Variants in GP9 observed in about 807,000 individuals in gnomAD.
GP9 encodes the protein glycoprotein IX platelet.
For synonymous variants in GP9, 116 were observed against 116.7 expected (o/e 0.99, Z 0.04); for missense variants, 228 against 241.8 (o/e 0.94, Z 0.38).
At chr3:129,055,011 T>G in the GP9 span, among the ~76,000 whole-genome samples, 2 of 152,276 alleles carry the variant, frequency 1.3e-5, no homozygotes, top group African/African-American at 4.8e-5. Flanking sequence ...CCTTAGGTTC[T>G]GTTTATAATT....
intron 1 of GP9, 108 bp from the exon 2 acceptor site, chr3:129,061,386 T>C (rs1389643873): frequency 5.0e-6 from 2 of 403,492 alleles, no homozygotes; most frequent in Non-Finnish European, 9.4e-6. Flanking sequence ...GGGCTGGGAC[T>C]CATTTAGCAG....
upstream of GP9, among the ~76,000 whole-genome samples, chr3:129,057,859 G>A (rs1477132151): frequency 6.9e-6 from 1 of 144,532 alleles, no homozygotes; most frequent in Non-Finnish European, 1.5e-5. Context: ...TTGAGACGGA[G>A]TTTTGCTCTT....
upstream of GP9, among the ~76,000 whole-genome samples, chr3:129,057,830 C>CCTT: frequency 8.1e-6 from 1 of 123,924 alleles, no homozygotes. Flanking sequence ...TAGGTTGCTT[C>CCTT]TTTTTTTTTT....
Position 129,062,083 on chromosome 3 carries a change from G to A in GP9, c.344G>A (p.Ser115Asn), listed in dbSNP as rs1183020259. 1 of 1,609,152 alleles carries A rather than the reference G, an allele frequency of 6.2e-7. No homozygotes were observed. The highest frequency in any genetic ancestry group is 1.7e-5 in the Admixed American group (1 of 59,728). ...GCCCTGCTGCAGGTCCGCTGTGCCA[G>A]CCCCAGCCTCGCTGCCCATGGCCCG... ...PEALLQVRCA[S>N]PSLAAHGPLG... Residue 115 changes from serine to asparagine, a missense_variant, in exon 3 of 3, where the codon AGC (serine) becomes AAC (asparagine). Physicochemically the swap from Ser to Asn is conservative, Grantham distance 46. Transcript: ENST00000307395.
At chr3:129,061,164 G>T (rs537109844) in intron 1 of GP9, among the ~76,000 whole-genome samples, 3 of 152,158 alleles carry the variant, frequency 2.0e-5, no homozygotes, top group African/African-American at 7.2e-5. Flanking sequence ...CCCTCTCTGG[G>T]CCTCAGTTTC....
Position 129,061,510 on chromosome 3 carries a change from G to A in GP9, c.-122G>A, listed in dbSNP as rs753048326. 1.7e-5 allele frequency: 10 copies of A among 602,138 alleles called. No individual in the cohort carries two copies. Among genetic ancestry groups the A allele is most frequent in the Non-Finnish European group, 3.0e-6 (1 of 337,360 alleles). The allele number at this position is 602,138 out of a possible 1,614,324, so 37.3% of individuals were successfully genotyped here. A position where few individuals can be genotyped will look rare whatever the true frequency, so the allele number is the denominator to read the frequency against. ...AATCCACAGCCGCCCTCACCGCCCGGCCTTCTACGGTGTCCAGAGACAGTT... is the reference window on the plus strand; with the variant it reads ...AATCCACAGCCGCCCTCACCGCCCGACCTTCTACGGTGTCCAGAGACAGTT... On this transcript the variant is annotated 5_prime_UTR_variant, in exon 2 of 3. Transcript: ENST00000307395.
rs755563532 is a variant in GP9, at chr3:129,062,054, C to T, written c.315C>T (p.Pro105=). The T allele has an allele frequency of 5.6e-6, 9 of 1,612,468 alleles. No homozygotes were observed. Among genetic ancestry groups the T allele is most frequent in the South Asian group, 5.5e-5 (5 of 91,066 alleles). The change falls in exon 3 of 3, where the codon CCC becomes CCT. Residue 105 remains proline (P), a synonymous_variant. Coordinates refer to ENST00000307395, the MANE Select transcript of GP9 (RefSeq NM_000174.5). ...YLRLWLEDRT[P]EALLQVRCAS... is the part of the protein sequence containing the mutation. Reference sequence around the variant, plus strand: ...GCCTCTGGCTGGAGGACCGCACGCCCGAGGCCCTGCTGCAGGTCCGCTGTG... The same window carrying T: ...GCCTCTGGCTGGAGGACCGCACGCCTGAGGCCCTGCTGCAGGTCCGCTGTG...
chr3:129,056,832 T>C (rs901274633), upstream of GP9, among the ~76,000 whole-genome samples: 2 of 152,078 alleles, frequency 1.3e-5, no homozygotes, highest in African/African-American at 4.8e-5. Context: ...GAAGTTGGCA[T>C]GTGGGTGGGG....
At chr3:129,060,384 C>T (rs2107955057), upstream of GP9, among the ~76,000 whole-genome samples, 1 of 152,374 alleles carries the variant, frequency 6.6e-6, no homozygotes, top group East Asian at 1.9e-4. Flanking sequence ...CCATGGTGTT[C>T]TCAGCCAGTG....
upstream of GP9, among the ~76,000 whole-genome samples, chr3:129,060,146 T>C (rs1946559234): frequency 6.6e-6 from 1 of 152,210 alleles, no homozygotes; most frequent in South Asian, 2.1e-4. Flanking sequence ...CTAAGTAGAA[T>C]GTGCTCTAGA....
rs2107957165 is a variant in GP9, at chr3:129,062,264, C to T, written c.525C>T (p.Ala175=). 1 of 1,549,816 alleles carries T rather than the reference C, an allele frequency of 6.5e-7. No individual in the cohort carries two copies. The highest frequency in any genetic ancestry group is 8.7e-7 in the Non-Finnish European group (1 of 1,147,762). Residue 175 remains alanine (A), a synonymous_variant, in exon 3 of 3, where the codon GCC becomes GCT. Transcript: ENST00000307395. ...GCCTGCTGTGTGCCACCACAGAGGC[C>T]CTGGATTGAGCCAGGCCCCCAGAAC... ...LAGLLCATTE[A]LD
Position 129,062,052 on chromosome 3 carries a change from C to T in GP9, c.313C>T (p.Pro105Ser), listed in dbSNP as rs1216374588. 1.2e-6 allele frequency: 2 copies of T among 1,612,800 alleles called. No individual in the cohort carries two copies. Among genetic ancestry groups the T allele is most frequent in the Admixed American group, 1.7e-5 (1 of 60,000 alleles). The change falls in exon 3 of 3, where the codon CCC becomes TCC. Residue 105 changes from proline (P) to serine (S), a missense_variant. By Grantham distance (74) the Pro-to-Ser change is moderately conservative. Coordinates refer to ENST00000307395, the MANE Select transcript of GP9 (RefSeq NM_000174.5). ...GCGCCTCTGGCTGGAGGACCGCACG[C>T]CCGAGGCCCTGCTGCAGGTCCGCTG... ...YLRLWLEDRTPEALLQVRCAS... is the reference protein window; with the variant it reads ...YLRLWLEDRTSEALLQVRCAS...
chr3:129,056,781 G>T (rs1433723447), upstream of GP9, among the ~76,000 whole-genome samples: 1 of 152,132 alleles, frequency 6.6e-6, no homozygotes, highest in Non-Finnish European at 1.5e-5. Flanking sequence ...AATTCCACAG[G>T]GCTCCAGAAA....
chr3:129,055,110 T>C, the GP9 span, among the ~76,000 whole-genome samples: 8 of 152,202 alleles, frequency 5.3e-5, no homozygotes, highest in Non-Finnish European at 1.0e-4. Context: ...TGCTGGTCAG[T>C]TGTTGTGTCT....
At position 129,061,557 on chromosome 3, in the gene GP9, A is replaced by G. The variant is rs998154683; in HGVS notation, c.-75A>G. ...AGTTAGCCAGGCCTGGGCTGGGCACACTCCACCTTCCCTAGTCACCAGCTG... is the reference window on the plus strand; with the variant it reads ...AGTTAGCCAGGCCTGGGCTGGGCACGCTCCACCTTCCCTAGTCACCAGCTG... On this transcript the variant is annotated 5_prime_UTR_variant, in exon 2 of 3. Transcript: ENST00000307395. 1 of 652,272 alleles carries G rather than the reference A, an allele frequency of 1.5e-6. No homozygotes were observed. The highest frequency in any genetic ancestry group is 2.8e-6 in the Non-Finnish European group (1 of 362,224). The allele number at this position is 652,272 out of a possible 1,614,324, so 40.4% of individuals were successfully genotyped here.
upstream of GP9, among the ~76,000 whole-genome samples, chr3:129,059,926 A>T (rs1946557240): frequency 6.6e-6 from 1 of 152,216 alleles, no homozygotes; most frequent in Non-Finnish European, 1.5e-5. Flanking sequence ...TTTTCCTGCC[A>T]GGCTTCTGTA....
the GP9 span, among the ~76,000 whole-genome samples, chr3:129,055,410 T>C: frequency 2.0e-5 from 3 of 152,188 alleles, no homozygotes; most frequent in Non-Finnish European, 4.4e-5. Context: ...AATAAGTTCA[T>C]AGCAAATAAA....
At chr3:129,057,827 C>CTTTTTTT (rs199729798), upstream of GP9, among the ~76,000 whole-genome samples, 1 of 136,310 alleles carries the variant, frequency 7.3e-6, no homozygotes, top group African/African-American at 2.9e-5. Flanking sequence ...TTATAGGTTG[C>CTTTTTTT]TTCTTTTTTT....
Position 129,061,890 on chromosome 3 carries a change from G to A in GP9, c.151G>A (p.Ala51Thr). Residue 51 changes from alanine to threonine, a missense_variant, in exon 3 of 3, where the codon GCC becomes ACC. By Grantham distance (58) the Ala-to-Thr change is moderately conservative. Coordinates refer to ENST00000307395, the MANE Select transcript of GP9 (RefSeq NM_000174.5). ...HGLTALPALP[A>T]RTRHLLLANN... ...ACTCACGGCCCTGCCTGCCCTGCCG[G>A]CCCGCACCCGCCACCTTCTGCTGGC... 1 of 1,613,396 alleles carries A rather than the reference G, an allele frequency of 6.2e-7. No homozygotes were observed. The highest frequency in any genetic ancestry group is 8.5e-7 in the Non-Finnish European group (1 of 1,179,812).
Sources: allele counts gnomAD v4.1 joint callset (sites outside exome capture counted in the v4.1 genomes callset), GRCh38; gene constraint gnomAD v4.1.1; transcripts MANE v1.5; gene names NCBI Gene and HGNC (gene_info 2026-07-23, HGNC 2026-07-21).